CARD8: variants seen among roughly 807,000 people sequenced by gnomAD.
CARD8 encodes the protein caspase recruitment domain family member 8, also known as caspase recruitment domain-containing protein 8.
In CARD8, 38 loss-of-function variants were observed where a neutral mutation model predicts 53.2. That is an observed-to-expected ratio of 0.71 (90% CI 0.55 to 0.94). The LOEUF (loss-of-function observed/expected upper bound fraction) is 0.94, where lower values mean the gene tolerates loss of function less well. CARD8 is among the 40% of genes least tolerant of loss of function. The pLI is 0.00. For missense variants in CARD8, 561 were observed against 655.5 expected (o/e 0.86, Z 1.57); for synonymous variants, 245 against 244.9 (o/e 1.00, Z 0.00).
chr19:48,240,989 C>A lies in CARD8; in HGVS notation c.32G>T (p.Ser11Ile). Residue 11 changes from serine to isoleucine, a missense_variant, in exon 4 of 14, where the codon AGC (serine) becomes ATC (isoleucine). Physicochemically the swap from Ser to Ile is moderately radical, Grantham distance 142. Transcript: ENST00000651546. ...TCTCGGCAGCTCTTCCTCACTGCTG[C>A]TACTCTTTTCTGGACACTCCTTTTT... MEKKECPEKS[S>I]SSEEELPRRD... The A allele has an allele frequency of 6.5e-7, 1 of 1,536,128 alleles. No individual in the cohort carries two copies.
chr19:48,228,421 G>C (rs1244150441), intron 10 of CARD8, among the ~76,000 whole-genome samples: 1 of 152,146 alleles, frequency 6.6e-6, no homozygotes, highest in Non-Finnish European at 1.5e-5. Context: ...TTCCAAGGAA[G>C]AGCGTGGTCA....
chr19:48,219,139 G>C (rs944960600), intron 11 of CARD8, 127 bp from the exon 12 acceptor site: 2 of 768,852 alleles, frequency 2.6e-6, no homozygotes, highest in African/African-American at 1.7e-5. Flanking sequence ...GTGGGAAACA[G>C]AGGGAGAGAG....
downstream of CARD8, chr19:48,203,922 G>C: frequency 3.6e-6 from 1 of 279,070 alleles, no homozygotes; most frequent in Non-Finnish European, 7.2e-6. Flanking sequence ...CCGGCTGAGC[G>C]CCACCAGCGC....
At chr19:48,216,050 T>C (rs1327044959) in intron 12 of CARD8, among the ~76,000 whole-genome samples, 2 of 151,728 alleles carry the variant, frequency 1.3e-5, no homozygotes, top group Non-Finnish European at 2.9e-5. Flanking sequence ...ATTTGACTTC[T>C]GGGCAGAACA....
rs767068052 is a variant in CARD8, at chr19:48,211,765, C to CAG, written c.1558_1559insCT (p.Ser520ThrfsTer111). The CAG allele has an allele frequency of 2.5e-6, 4 of 1,614,048 alleles. No homozygotes were observed. The East Asian group carries it at 8.9e-5, about 36-fold the overall frequency. ...GAGGTAAGGGTCCCTTTCACTAATG[C>CAG]TTCTGAAGAGCACGTCCAGGGCCAG... On this transcript the variant is annotated frameshift_variant, in exon 14 of 14. Coordinates refer to ENST00000651546, the MANE Select transcript of CARD8 (RefSeq NM_001184900.3). LOFTEE classifies it high-confidence loss of function.
intron 13 of CARD8, among the ~76,000 whole-genome samples, chr19:48,214,325 A>AGG (rs2038720443): frequency 1.3e-5 from 2 of 152,212 alleles, no homozygotes; most frequent in Admixed American, 6.5e-5. Flanking sequence ...TCTCTCTAAA[A>AGG]TAATAATTGG....
At position 48,211,748 on chromosome 19, in the gene CARD8, G is replaced by A; in HGVS notation, c.1576C>T (p.Pro526Ser). 6.2e-7 allele frequency: 1 copy of A among 1,614,044 alleles called. No individual in the cohort carries two copies. Among genetic ancestry groups the A allele is most frequent in the Non-Finnish European group, 8.5e-7 (1 of 1,179,994 alleles). Reference sequence around the variant, plus strand: ...TGTCTAAGATAGGACACGAGGTAAGGGTCCCTTTCACTAATGCTTCTGAAG... The same window carrying A: ...TGTCTAAGATAGGACACGAGGTAAGAGTCCCTTTCACTAATGCTTCTGAAG... ...VLFRSISERD[P>S]YLVSYLRQQN... The change falls in exon 14 of 14, where the codon CCT becomes TCT. Residue 526 changes from proline to serine, a missense_variant. Transcript: ENST00000651546.
chr19:48,221,960 A>G, intron 10 of CARD8, 105 bp from the exon 11 acceptor site: 1 of 821,560 alleles, frequency 1.2e-6, no homozygotes, highest in Non-Finnish European at 1.8e-6. Flanking sequence ...GTAGGCTATG[A>G]TTCAATTGAT....
chr19:48,203,845 T>G (rs978934151), downstream of CARD8: 1 of 235,994 alleles, frequency 4.2e-6, no homozygotes, highest in African/African-American at 2.4e-5. Context: ...TGTTCCTACC[T>G]CCAGCCAGCT....
intron 3 of CARD8, 114 bp downstream of exon 3, chr19:48,249,409 C>T (rs1036780840): frequency 2.0e-5 from 3 of 152,090 alleles, no homozygotes; most frequent in Non-Finnish European, 4.4e-5. Flanking sequence ...TATATTGCTT[C>T]AATTTTATTT....
chr19:48,231,050 C>T (rs2042782328), intron 8 of CARD8, 44 bp from the exon 9 acceptor site: 1 of 1,526,752 alleles, frequency 6.5e-7, no homozygotes, highest in Admixed American at 1.7e-5. Context: ...AACCCCAGGA[C>T]TTGGATTTAA....
chr19:48,249,388 G>A (rs1568946607), intron 3 of CARD8, 135 bp downstream of exon 3: 1 of 152,110 alleles, frequency 6.6e-6, no homozygotes, highest in Non-Finnish European at 1.5e-5. Flanking sequence ...ATGAATTTCA[G>A]AGAAATTTCA....
At chr19:48,248,455 T>A in intron 3 of CARD8, among the ~76,000 whole-genome samples, 1 of 152,276 alleles carries the variant, frequency 6.6e-6, no homozygotes, top group African/African-American at 2.4e-5. Context: ...AAATAAGGAA[T>A]CAAAAGGATA....
At chr19:48,245,425 C>T (rs200154707) in intron 3 of CARD8, among the ~76,000 whole-genome samples, 2 of 152,188 alleles carry the variant, frequency 1.3e-5, no homozygotes, top group East Asian at 3.9e-4. Context: ...GTTGGATAGG[C>T]TGGTCTCAAA....
intron 1 of CARD8, among the ~76,000 whole-genome samples, chr19:48,254,916 G>A (rs2047406804): frequency 6.6e-6 from 1 of 152,146 alleles, no homozygotes; most frequent in African/African-American, 2.4e-5. Context: ...TCCAACCTAG[G>A]ACTAATGTCA....
At chr19:48,248,545 T>C (rs1296889794) in intron 3 of CARD8, among the ~76,000 whole-genome samples, 2 of 152,218 alleles carry the variant, frequency 1.3e-5, no homozygotes, top group East Asian at 1.9e-4. Context: ...CAGTTATCAT[T>C]CTCACCCACA....
intron 13 of CARD8, among the ~76,000 whole-genome samples, chr19:48,214,372 G>C (rs12610708): frequency 0.31 from 47,686 of 152,038 alleles, 7,821 homozygotes; most frequent in East Asian, 0.52. Flanking sequence ...TCTCCTGACA[G>C]AGAGAAAACA....
intron 3 of CARD8, among the ~76,000 whole-genome samples, chr19:48,248,169 T>C (rs2146999865): frequency 6.6e-6 from 1 of 152,332 alleles, no homozygotes; most frequent in African/African-American, 2.4e-5. Context: ...TCTTGTATAG[T>C]ATTTTATGTG....
intron 11 of CARD8, among the ~76,000 whole-genome samples, chr19:48,220,977 G>GGAAGGAAA (rs1568696348): frequency 2.0e-4 from 18 of 90,632 alleles, no homozygotes; most frequent in Admixed American, 3.9e-4. Flanking sequence ...AAGGAAGGAA[G>GGAAGGAAA]GAAGGAAGGA....
Sources: allele counts gnomAD v4.1 joint callset (sites outside exome capture counted in the v4.1 genomes callset), GRCh38; gene constraint gnomAD v4.1.1; transcripts MANE v1.5; gene names NCBI Gene and HGNC (gene_info 2026-07-23, HGNC 2026-07-21).